Variants in TMEM132D observed in about 807,000 individuals in gnomAD.
The protein encoded by TMEM132D is mature OL transmembrane protein.
A neutral mutation model predicts 62.3 loss-of-function variants in TMEM132D; 21 were observed. That is an observed-to-expected ratio of 0.34 (90% CI 0.24 to 0.49). The LOEUF (loss-of-function observed/expected upper bound fraction) is 0.49, where lower values mean the gene tolerates loss of function less well. Ranked by LOEUF, TMEM132D falls within the 20% of genes least tolerant of loss-of-function variation. TMEM132D has a pLI of 0.99. For missense variants in TMEM132D, 1,346 were observed against 1,402.8 expected, an observed-to-expected ratio of 0.96 and a Z score of 0.65; for synonymous variants, 621 against 575.6, an observed-to-expected ratio of 1.08 and a Z score of -1.13.
rs79598694 is a variant in TMEM132D at position 129,263,948 on chromosome 12, T to C, written c.1300-54285A>G. Among the ~76,000 whole-genome samples the C allele has an allele frequency of 3.4e-3, 515 of 152,286 alleles. 4 individuals carry two copies. Among genetic ancestry groups the C allele is most frequent in the African/African-American group, 0.012 (487 of 41,584 alleles). On this transcript the variant is annotated intron_variant, in intron 4 of 8. Transcript: ENST00000422113. ...GGGACTTGGTTCCTGTAACTGAAGA[T>C]AGCGGGAAGATGCAGCTTCAAGGAT... is the stretch of plus-strand genomic sequence containing the variant.
At chr12:129,529,063 A>T (rs1375211798) in intron 3 of TMEM132D, among the ~76,000 whole-genome samples, 2 of 152,286 alleles carry the variant, frequency 1.3e-5, no homozygotes, top group Non-Finnish European at 2.9e-5. Context: ...CATATAACAT[A>T]TTGTGTGTGT....
chr12:129,073,917 T>C lies in TMEM132D; in HGVS notation c.3258A>G (p.Lys1086=), dbSNP rs758753338. 63 of 1,577,530 alleles carry C rather than the reference T, an allele frequency of 4.0e-5. No individual in the cohort carries two copies. Among genetic ancestry groups the C allele is most frequent in the Non-Finnish European group, 5.3e-5 (62 of 1,163,420 alleles). The change falls in exon 9 of 9, where the codon AAA becomes AAG. Residue 1086 remains lysine, a synonymous_variant. Transcript: ENST00000422113. ...VCQDLDPGDC[K]ELHNYMERLH... ...ACCTCTCCATGTAGTTGTGCAGCTCTTTGCAGTCCCCAGGGTCCAGATCCT... is the reference window on the plus strand; with the variant it reads ...ACCTCTCCATGTAGTTGTGCAGCTCCTTGCAGTCCCCAGGGTCCAGATCCT...
At chr12:129,564,763 C>A (rs929109456) in intron 2 of TMEM132D, among the ~76,000 whole-genome samples, 12 of 152,306 alleles carry the variant, frequency 7.9e-5, no homozygotes, top group Non-Finnish European at 1.8e-4. Flanking sequence ...CACAGTGAAA[C>A]CAAGATGTTT....
intron 3 of TMEM132D, among the ~76,000 whole-genome samples, chr12:129,350,480 C>A (rs1869828842): frequency 6.6e-6 from 1 of 152,162 alleles, no homozygotes; most frequent in Non-Finnish European, 1.5e-5. Context: ...AGACAGATCC[C>A]GTTTATTCCC....
chr12:129,458,130 G>A (rs932173201), intron 3 of TMEM132D, among the ~76,000 whole-genome samples: 4 of 152,084 alleles, frequency 2.6e-5, no homozygotes, highest in East Asian at 3.9e-4. Context: ...GTGCCTCAAC[G>A]TCCCCTCTTG....
At chr12:129,701,677 T>C (rs1337956796) in intron 1 of TMEM132D, among the ~76,000 whole-genome samples, 1 of 152,212 alleles carries the variant, frequency 6.6e-6, no homozygotes, top group African/African-American at 2.4e-5. Flanking sequence ...GGCAGAGCAA[T>C]TGCATAATCC....
At chr12:129,207,811 T>C (rs1878899479) in intron 5 of TMEM132D, among the ~76,000 whole-genome samples, 1 of 152,162 alleles carries the variant, frequency 6.6e-6, no homozygotes, top group South Asian at 2.1e-4. Context: ...TATTTTGGGG[T>C]CCACGTGGCC....
At chr12:129,590,718 C>A (rs1324173110) in intron 2 of TMEM132D, among the ~76,000 whole-genome samples, 1 of 152,188 alleles carries the variant, frequency 6.6e-6, no homozygotes, top group Non-Finnish European at 1.5e-5. Flanking sequence ...TCAATGGCAA[C>A]AGGGCTTGGG....
At chr12:129,594,438 T>G (rs1403505743) in intron 2 of TMEM132D, among the ~76,000 whole-genome samples, 1 of 152,214 alleles carries the variant, frequency 6.6e-6, no homozygotes, top group African/African-American at 2.4e-5. Flanking sequence ...TCCTCAGTCA[T>G]GCACAGTAAG....
intron 2 of TMEM132D, among the ~76,000 whole-genome samples, chr12:129,616,054 A>T (rs1038348045): frequency 6.6e-6 from 1 of 152,138 alleles, no homozygotes; most frequent in African/African-American, 2.4e-5. Context: ...AAACAAAACA[A>T]CACATTAGAA....
chr12:129,111,842 C>T (rs76805474), intron 5 of TMEM132D, among the ~76,000 whole-genome samples: 3,025 of 152,266 alleles, frequency 0.02, 107 homozygotes, highest in African/African-American at 0.07. Context: ...TCGAACACAA[C>T]CTCATGCCAT....
chr12:129,399,372 A>T (rs10847860), intron 3 of TMEM132D, among the ~76,000 whole-genome samples: 20 of 18,206 alleles, frequency 1.1e-3, no homozygotes, highest in African/African-American at 1.8e-3. Context: ...TGCAATAGCT[A>T]ACCCACTCCC....
chr12:129,719,959 T>C (rs2137243157), intron 1 of TMEM132D, among the ~76,000 whole-genome samples: 1 of 152,138 alleles, frequency 6.6e-6, no homozygotes, highest in African/African-American at 2.4e-5. Context: ...TCTGGGTGCC[T>C]TATTCCGCTT....
chr12:129,682,587 G>A (rs553722379), intron 2 of TMEM132D, among the ~76,000 whole-genome samples: 2 of 152,150 alleles, frequency 1.3e-5, no homozygotes, highest in Non-Finnish European at 1.5e-5. Context: ...ACTGTAATTT[G>A]CAGTGACAAA....
chr12:129,460,022 T>C (rs771355713), intron 3 of TMEM132D, among the ~76,000 whole-genome samples: 3 of 152,224 alleles, frequency 2.0e-5, no homozygotes, highest in Non-Finnish European at 4.4e-5. Flanking sequence ...AAGTATACTA[T>C]GACTGCAAGT....
At chr12:129,497,723 G>T (rs1362402878) in intron 3 of TMEM132D, among the ~76,000 whole-genome samples, 1 of 151,750 alleles carries the variant, frequency 6.6e-6, no homozygotes, top group Non-Finnish European at 1.5e-5. Context: ...ACATTGGTGT[G>T]ATCACAGCTC....
intron 2 of TMEM132D, among the ~76,000 whole-genome samples, chr12:129,545,618 T>C (rs551836337): frequency 1.3e-5 from 2 of 152,232 alleles, no homozygotes; most frequent in East Asian, 3.9e-4. Flanking sequence ...CAACTCCCCA[T>C]TCTCCCACTC....
chr12:129,638,536 TATAA>T (rs1318324889), intron 2 of TMEM132D, among the ~76,000 whole-genome samples: 1 of 45,318 alleles, frequency 2.2e-5, no homozygotes, highest in Non-Finnish European at 5.3e-5. Context: ...TATAAACATA[TATAA>T]ATATAAACAT....
At chr12:129,151,644 C>A (rs1877074879) in intron 5 of TMEM132D, among the ~76,000 whole-genome samples, 1 of 152,208 alleles carries the variant, frequency 6.6e-6, no homozygotes, top group Non-Finnish European at 1.5e-5. Flanking sequence ...TCCCCAAGGA[C>A]TCCATCCACC....
Sources: gnomAD v4.1 joint callset for allele counts (sites outside exome capture counted in the v4.1 genomes callset) on GRCh38, gnomAD v4.1.1 for gene constraint, MANE v1.5 for transcripts, NCBI Gene and HGNC (gene_info 2026-07-23, HGNC 2026-07-21) for gene names.